PPARGC1A: variants seen among roughly 807,000 people sequenced by gnomAD.
PPARGC1A encodes the protein peroxisome proliferator-activated receptor gamma coactivator 1-alpha.
Under a neutral mutation model 88.7 loss-of-function variants are expected in PPARGC1A, and 25 were observed. The observed-to-expected ratio is 0.28, with a 90% confidence interval of 0.21 to 0.39. The LOEUF (loss-of-function observed/expected upper bound fraction) is 0.39. PPARGC1A is among the 10% of genes least tolerant of loss of function. The probability of loss-of-function intolerance (pLI) is 1.00; values close to 1 mark genes in which losing one functional copy is unlikely to be tolerated. For synonymous variants in PPARGC1A, 363 were observed against 355.6 expected, an observed-to-expected ratio of 1.02 and a Z score of -0.24; for missense variants, 880 against 968.7, an observed-to-expected ratio of 0.91 and a Z score of 1.22.
intron 2 of PPARGC1A, among the ~76,000 whole-genome samples, chr4:23,848,622 T>C (rs1303925786): frequency 2.0e-5 from 3 of 152,222 alleles, no homozygotes; most frequent in Non-Finnish European, 2.9e-5. Flanking sequence ...CATTTCAGCG[T>C]CAATTGCTGC....
chr4:24,101,875 G>A, the PPARGC1A span, among the ~76,000 whole-genome samples: 1,264 of 152,284 alleles, frequency 8.3e-3, 19 homozygotes, highest in African/African-American at 0.028. Flanking sequence ...AGGTACTAAC[G>A]ATTGAGAGAT....
chr4:24,067,745 C>T, the PPARGC1A span, among the ~76,000 whole-genome samples: 3 of 152,308 alleles, frequency 2.0e-5, no homozygotes, highest in Middle Eastern at 6.8e-3. Context: ...CTCTGGAGAA[C>T]ACTCATTAAA....
At chr4:24,181,124 G>T in the PPARGC1A span, among the ~76,000 whole-genome samples, 4 of 152,126 alleles carry the variant, frequency 2.6e-5, no homozygotes, top group Non-Finnish European at 5.9e-5. Flanking sequence ...CACAACATTG[G>T]ATAAAATACT....
the PPARGC1A span, among the ~76,000 whole-genome samples, chr4:24,335,262 C>T: frequency 2.0e-5 from 3 of 152,060 alleles, no homozygotes; most frequent in African/African-American, 7.2e-5. Flanking sequence ...TATAATGTCC[C>T]CTGATTTAGG....
chr4:23,893,407 T>C (rs756724340), upstream of PPARGC1A, among the ~76,000 whole-genome samples: 10 of 152,296 alleles, frequency 6.6e-5, no homozygotes, highest in Admixed American at 3.9e-4. Context: ...CTATATTGAA[T>C]ATAGGTGATT....
the PPARGC1A span, among the ~76,000 whole-genome samples, chr4:23,926,956 T>C: frequency 6.6e-6 from 1 of 152,216 alleles, no homozygotes; most frequent in South Asian, 2.1e-4. Flanking sequence ...GAATACATGA[T>C]CTATCTAACA....
At chr4:24,074,575 G>A in the PPARGC1A span, among the ~76,000 whole-genome samples, 1 of 152,000 alleles carries the variant, frequency 6.6e-6, no homozygotes, top group Admixed American at 6.6e-5. Context: ...TTTTCCCCAT[G>A]GAAGTCATTT....
the PPARGC1A span, among the ~76,000 whole-genome samples, chr4:24,145,019 C>CTCCA: frequency 6.6e-6 from 1 of 150,870 alleles, no homozygotes; most frequent in African/African-American, 2.4e-5. Flanking sequence ...TCTTGCATGA[C>CTCCA]TCCATACCCT....
At chr4:24,222,591 A>C in the PPARGC1A span, among the ~76,000 whole-genome samples, 12 of 152,258 alleles carry the variant, frequency 7.9e-5, 1 homozygote, top group African/African-American at 2.9e-4. Flanking sequence ...GCAGCATCAA[A>C]CTCCCTAAGA....
the PPARGC1A span, among the ~76,000 whole-genome samples, chr4:24,362,330 T>C: frequency 6.7e-6 from 1 of 150,140 alleles, no homozygotes. Flanking sequence ...CAATCAAATA[T>C]GAGCTTCTTG....
the PPARGC1A span, among the ~76,000 whole-genome samples, chr4:24,010,430 G>A: frequency 3.9e-5 from 6 of 151,996 alleles, no homozygotes; most frequent in African/African-American, 9.7e-5. Context: ...TCCCTCACTC[G>A]CTCCCCGGAG....
the PPARGC1A span, among the ~76,000 whole-genome samples, chr4:24,285,399 T>C: frequency 1.3e-5 from 2 of 151,776 alleles, no homozygotes; most frequent in African/African-American, 4.8e-5. Flanking sequence ...CAGAAAGGAA[T>C]GAGGAATGAG....
chr4:23,924,417 A>G, the PPARGC1A span, among the ~76,000 whole-genome samples: 13 of 152,090 alleles, frequency 8.5e-5, no homozygotes, highest in African/African-American at 1.4e-4. Flanking sequence ...CATGAGGTCA[A>G]GAGATCGAGA....
chr4:23,918,540 T>C, the PPARGC1A span, among the ~76,000 whole-genome samples: 2 of 152,152 alleles, frequency 1.3e-5, no homozygotes, highest in African/African-American at 4.8e-5. Context: ...AAATTCAAAA[T>C]CGATTATACA....
chr4:23,996,759 C>A, the PPARGC1A span, among the ~76,000 whole-genome samples: 1 of 152,216 alleles, frequency 6.6e-6, no homozygotes, highest in African/African-American at 2.4e-5. Context: ...TCAACTCTGC[C>A]ATTGCAGCAT....
chr4:24,026,654 C>T, the PPARGC1A span, among the ~76,000 whole-genome samples: 1 of 152,114 alleles, frequency 6.6e-6, no homozygotes, highest in Non-Finnish European at 1.5e-5. Flanking sequence ...AGAAAATTGG[C>T]AAGTTTTTAG....
chr4:23,989,434 A>G, the PPARGC1A span, among the ~76,000 whole-genome samples: 2 of 152,030 alleles, frequency 1.3e-5, no homozygotes, highest in African/African-American at 4.8e-5. Flanking sequence ...AAGTATTATC[A>G]TATCTTATCC....
the PPARGC1A span, among the ~76,000 whole-genome samples, chr4:24,435,357 CTT>C: frequency 6.6e-6 from 1 of 152,214 alleles, no homozygotes; most frequent in South Asian, 2.1e-4. Context: ...CATTTGCTCA[CTT>C]CTGCAGACAG....
the PPARGC1A span, among the ~76,000 whole-genome samples, chr4:23,910,170 TATATA>T: frequency 8.2e-6 from 1 of 121,556 alleles, no homozygotes; most frequent in South Asian, 2.3e-4. Flanking sequence ...AAATATATAA[TATATA>T]ATAAATATAT....
Sources: gnomAD v4.1 joint callset for allele counts (sites outside exome capture counted in the v4.1 genomes callset) on GRCh38, gnomAD v4.1.1 for gene constraint, MANE v1.5 for transcripts, NCBI Gene and HGNC (gene_info 2026-07-23, HGNC 2026-07-21) for gene names.